The following NAALADL2 variants were observed in gnomAD, a reference collection of about 807,000 sequenced individuals.
NAALADL2 encodes the protein N-acetylated alpha-linked acidic dipeptidase like 2, also known as inactive N-acetylated-alpha-linked acidic dipeptidase-like protein 2.
NAALADL2 carries 76 observed loss-of-function variants against 87.2 expected under a neutral mutation model. The observed-to-expected ratio is 0.87, with a 90% CI of 0.72 to 1.05. The LOEUF is 1.05. Ranked by LOEUF, NAALADL2 falls within the 50% of genes least tolerant of loss-of-function variation. The pLI, the probability that NAALADL2 is intolerant of heterozygous loss-of-function variation, is 0.00. For missense variants in NAALADL2, 1,089 were observed against 945.8 expected (o/e 1.15, Z -1.99); for synonymous variants, 354 against 331.0 (o/e 1.07, Z -0.75).
rs1576880484 is a variant in NAALADL2, at chr3:175,803,358, G to T, written c.*155G>T. The T allele has an allele frequency of 6.6e-6, 3 of 452,422 alleles. No homozygotes were observed. Among genetic ancestry groups the T allele is most frequent in the East Asian group, 6.5e-5 (2 of 30,586 alleles). 28.0% of individuals were successfully genotyped at this position (452,422 alleles called of 1,614,324 possible). ...ATTGTATTTTTTAAATGTAAATATA[G>T]AAAGAACATTTTGCACATTTAATAT... On this transcript the variant is annotated 3_prime_UTR_variant, in exon 14 of 14. Coordinates refer to ENST00000454872, the MANE Select transcript of NAALADL2 (RefSeq NM_207015.3).
At chr3:174,737,741 A>G in exon 3 of NAALADL2, 1 of 152,212 alleles carries the variant, frequency 6.6e-6, no homozygotes, top group Non-Finnish European at 1.5e-5. Context: ...GGAACATTCA[A>G]TTGAAGTAAG....
At chr3:175,199,835 TATATATATATATATATATATATA>T (rs1739583705) in intron 2 of NAALADL2, among the ~76,000 whole-genome samples, 2 of 11,252 alleles carry the variant, frequency 1.8e-4, no homozygotes, top group Admixed American at 9.2e-4. Flanking sequence ...TATATATATA[TATATATATATATATATATATATA>T]TATATATTTT....
chr3:174,860,342 C>G (rs1194190341), intron 1 of NAALADL2, among the ~76,000 whole-genome samples: 2 of 151,880 alleles, frequency 1.3e-5, no homozygotes, highest in Non-Finnish European at 2.9e-5. Flanking sequence ...TCCTAAAAAT[C>G]TTTCTTGAAA....
At chr3:174,595,768 T>G (rs1019193235) in intron 2 of NAALADL2, among the ~76,000 whole-genome samples, 2 of 152,156 alleles carry the variant, frequency 1.3e-5, no homozygotes, top group Non-Finnish European at 2.9e-5. Context: ...CCCAGCACTT[T>G]GGGAGGCCGA....
chr3:175,007,917 A>G (rs1579985557), intron 1 of NAALADL2, among the ~76,000 whole-genome samples: 2 of 152,230 alleles, frequency 1.3e-5, no homozygotes, highest in East Asian at 3.9e-4. Flanking sequence ...ACCGCACCAC[A>G]GCCACCATCG....
At chr3:174,959,460 TCA>T (rs1741663037) in intron 1 of NAALADL2, among the ~76,000 whole-genome samples, 1 of 151,972 alleles carries the variant, frequency 6.6e-6, no homozygotes, top group Admixed American at 6.6e-5. Flanking sequence ...AGGAGTTATA[TCA>T]CAGAGGGGCA....
At chr3:174,777,781 A>G (rs1196033367) in intron 3 of NAALADL2, among the ~76,000 whole-genome samples, 4 of 152,098 alleles carry the variant, frequency 2.6e-5, no homozygotes, top group South Asian at 2.1e-4. Context: ...TAGTTCATCT[A>G]CTGTTTCTAC....
At chr3:174,868,100 G>A (rs939301358) in intron 1 of NAALADL2, among the ~76,000 whole-genome samples, 9 of 151,984 alleles carry the variant, frequency 5.9e-5, no homozygotes, top group Non-Finnish European at 1.0e-4. Context: ...TAGGTGTGAC[G>A]GATGGCTGTG....
chr3:174,932,856 A>G (rs1055449416), intron 1 of NAALADL2, among the ~76,000 whole-genome samples: 2 of 152,164 alleles, frequency 1.3e-5, no homozygotes, highest in African/African-American at 4.8e-5. Context: ...GGTGGCTCAC[A>G]CCTATAATCC....
chr3:174,837,513 G>A lies in NAALADL2; in HGVS notation c.-9+99767G>A, dbSNP rs1414800264. ...GAAATGGTAATAAAAATAATTACCA[G>A]TTGGCCACAGTGGCTCACGCCTGTA... On this transcript the variant is annotated intron_variant, in intron 3 of 3. Coordinates refer to the NAALADL2 transcript ENST00000434257. Among the ~76,000 whole-genome samples, 3 of 152,164 alleles carry A rather than the reference G, an allele frequency of 2.0e-5. No homozygotes were observed. In the South Asian group the frequency reaches 6.2e-4, roughly 31 times the overall value.
chr3:174,853,140 C>G (rs1725446929), intron 3 of NAALADL2, among the ~76,000 whole-genome samples: 3 of 138,068 alleles, frequency 2.2e-5, no homozygotes, highest in Admixed American at 8.2e-5. Context: ...CCAAAGTGGG[C>G]AGATCACGAG....
intron 3 of NAALADL2, among the ~76,000 whole-genome samples, chr3:174,842,916 C>T (rs747195801): frequency 6.6e-6 from 1 of 151,974 alleles, no homozygotes; most frequent in African/African-American, 2.4e-5. Context: ...TATGGCTTAT[C>T]TTGTTTCCTT....
In NAALADL2 at chr3:175,534,271, A is replaced by C. The variant is rs1734501938; in HGVS notation, c.1654-41770A>C. Among the ~76,000 whole-genome samples, 4 of 152,006 alleles carry C rather than the reference A, an allele frequency of 2.6e-5. No homozygotes were observed. The South Asian group carries it at 6.2e-4, about 24-fold the overall frequency. On this transcript the variant is annotated intron_variant, in intron 9 of 13. Coordinates refer to ENST00000454872, the MANE Select transcript of NAALADL2 (RefSeq NM_207015.3). ...AGGGACAGAACTAATAGGATACAAT[A>C]GAATAGATAGATGGACAGGGAGATA...
intron 1 of NAALADL2, among the ~76,000 whole-genome samples, chr3:175,000,649 T>C (rs1468823311): frequency 6.6e-6 from 1 of 152,168 alleles, no homozygotes; most frequent in Admixed American, 6.6e-5. Context: ...TTCTTTCCTA[T>C]ACTGATTTGA....
At chr3:174,827,703 T>C (rs1257236317) in intron 3 of NAALADL2, among the ~76,000 whole-genome samples, 2 of 152,254 alleles carry the variant, frequency 1.3e-5, no homozygotes, top group Non-Finnish European at 2.9e-5. Context: ...GGAGTCGTTA[T>C]ACAGCCTACC....
At chr3:174,665,188 A>T (rs1005788849) in intron 2 of NAALADL2, among the ~76,000 whole-genome samples, 1 of 152,202 alleles carries the variant, frequency 6.6e-6, no homozygotes, top group Non-Finnish European at 1.5e-5. Context: ...TGGAATTATT[A>T]TGAGCATTAC....
chr3:174,512,953 A>G (rs988875097), intron 1 of NAALADL2, among the ~76,000 whole-genome samples: 4 of 151,142 alleles, frequency 2.6e-5, no homozygotes, highest in African/African-American at 9.7e-5. Context: ...CCACCAAATA[A>G]GCTTGATTTT....
chr3:174,540,016 A>G (rs1722077574), intron 1 of NAALADL2, among the ~76,000 whole-genome samples: 1 of 136,686 alleles, frequency 7.3e-6, no homozygotes, highest in South Asian at 2.6e-4. Flanking sequence ...AAGCTGCCTG[A>G]TGTTTTGAAA....
chr3:175,396,698 G>A (rs1336729005), intron 5 of NAALADL2, among the ~76,000 whole-genome samples: 3 of 152,074 alleles, frequency 2.0e-5, no homozygotes, highest in Non-Finnish European at 4.4e-5. Flanking sequence ...TGTTGTGGGA[G>A]GGACATGGTG....
Sources: gnomAD v4.1 joint callset for allele counts (sites outside exome capture counted in the v4.1 genomes callset) on GRCh38, gnomAD v4.1.1 for gene constraint, MANE v1.5 for transcripts, NCBI Gene and HGNC (gene_info 2026-07-23, HGNC 2026-07-21) for gene names.